CUBN: variants seen among roughly 807,000 people sequenced by gnomAD.
CUBN encodes the protein 460 kDa receptor.
A neutral mutation model predicts 405.3 loss-of-function variants in CUBN; 282 were observed. The ratio of observed to expected loss-of-function variants is 0.70; its 90% CI spans 0.63 to 0.77. The LOEUF (loss-of-function observed/expected upper bound fraction) is 0.77, where lower values mean the gene tolerates loss of function less well. Ranked by LOEUF, CUBN falls within the 30% of genes least tolerant of loss-of-function variation. The pLI, the probability that CUBN is intolerant of heterozygous loss-of-function variation, is 0.00. For synonymous variants in CUBN, 1,684 were observed against 1,617.0 expected (o/e 1.04, Z -0.99); for missense variants, 4,514 against 4,475.2 (o/e 1.01, Z -0.25).
chr10:17,116,391 C>T (rs778205679), intron 6 of CUBN, among the ~76,000 whole-genome samples: 5 of 152,090 alleles, frequency 3.3e-5, no homozygotes, highest in African/African-American at 4.8e-5. Flanking sequence ...TAGAGGAGTC[C>T]CAGAAGCCTA....
chr10:17,081,275 A>G (rs1267038061), intron 17 of CUBN, among the ~76,000 whole-genome samples: 1 of 152,180 alleles, frequency 6.6e-6, no homozygotes, highest in Admixed American at 6.5e-5. Flanking sequence ...ACACAAAGAG[A>G]AGATCTAGGA....
chr10:16,830,601 A>G (rs531616891), intron 65 of CUBN, among the ~76,000 whole-genome samples: 2 of 152,312 alleles, frequency 1.3e-5, no homozygotes, highest in African/African-American at 4.8e-5. Flanking sequence ...ATATGCCAGA[A>G]TGTGTTCATA....
At chr10:16,918,115 T>TCTACTCC (rs1841934450) in intron 45 of CUBN, among the ~76,000 whole-genome samples, 2 of 152,170 alleles carry the variant, frequency 1.3e-5, no homozygotes, top group African/African-American at 4.8e-5. Flanking sequence ...TGTGAGACCG[T>TCTACTCC]ATTTCTGAGC....
chr10:16,844,559 T>C (rs1839455714), intron 60 of CUBN, among the ~76,000 whole-genome samples: 1 of 152,070 alleles, frequency 6.6e-6, no homozygotes, highest in African/African-American at 2.4e-5. Flanking sequence ...TGAAGGAAGG[T>C]AGGAGGCAGA....
At position 16,840,998 on chromosome 10, in the gene CUBN, C is replaced by A; in HGVS notation, c.9713G>T (p.Gly3238Val). ...GATAAAAGGAGCAGGTACTGTGGAA[C>A]CACAAAACGTTCCAGCCAAGTTCGC... is the stretch of plus-strand genomic sequence containing the variant. ...ENANLAGTFC[G>V]STVPAPFISS... Residue 3238 changes from glycine (G) to valine (V), a missense_variant, in exon 61 of 67, where the codon GGT (glycine) becomes GTT (valine). This residue lies in a region of CUBN where 1,186 missense variants were observed against 1,186.9 expected (regional missense o/e 1.00). Transcript: ENST00000377833. 1.2e-6 allele frequency: 2 copies of A among 1,614,122 alleles called. No individual in the cohort carries two copies. Among genetic ancestry groups the A allele is most frequent in the East Asian group, 2.2e-5 (1 of 44,862 alleles).
intron 47 of CUBN, among the ~76,000 whole-genome samples, chr10:16,914,658 C>CA (rs5783521): frequency 0.014 from 1,822 of 131,004 alleles, 39 homozygotes; most frequent in African/African-American, 0.047. Flanking sequence ...CCCATGTTCA[C>CA]AAAAAAAAAA....
Position 16,825,067 on chromosome 10 carries a change from G to T in CUBN, c.10780C>A (p.Pro3594Thr). The T allele has an allele frequency of 2.5e-6, 4 of 1,612,716 alleles. No individual in the cohort carries two copies. Among genetic ancestry groups the T allele is most frequent in the Non-Finnish European group, 3.4e-6 (4 of 1,179,054 alleles). The change falls in exon 67 of 67, where the codon CCC becomes ACC. Residue 3594 changes from proline (P) to threonine (T), a missense_variant. By Grantham distance (38) the Pro-to-Thr change is conservative. Coordinates refer to ENST00000377833, the MANE Select transcript of CUBN (RefSeq NM_001081.4). Reference protein sequence around the residue: ...PYCGGDTSIAPFVASSNQVFI... With the variant: ...PYCGGDTSIATFVASSNQVFI... ...ACCTGATTTGAGGAAGCCACGAAGG[G>T]AGCTATGCTGGTGTCCTAAAATTGA...
intron 27 of CUBN, among the ~76,000 whole-genome samples, chr10:17,031,453 A>G (rs1158145949): frequency 6.6e-6 from 1 of 152,192 alleles, no homozygotes; most frequent in Non-Finnish European, 1.5e-5. Context: ...CATAGACACT[A>G]AGGAACTTGC....
At position 16,900,866 on chromosome 10, in the gene CUBN, G is replaced by C; in HGVS notation, c.8185-16C>G. 1.9e-6 allele frequency: 3 copies of C among 1,561,702 alleles called. No homozygotes were observed. The highest frequency in any genetic ancestry group is 2.6e-6 in the Non-Finnish European group (3 of 1,136,656). On this transcript the variant is annotated splice_polypyrimidine_tract_variant and intron_variant, in intron 52 of 66. Coordinates refer to ENST00000377833, the MANE Select transcript of CUBN (RefSeq NM_001081.4). The stretch of plus-strand genomic sequence containing the variant: ...TAAATGTGAGCTGCAGGAGAAAAAA[G>C]AAAATGGTTGTCAGTGAGCTTTTAT...
chr10:16,890,452 T>A lies in CUBN; in HGVS notation c.8674A>T (p.Ile2892Phe), dbSNP rs1446587938. 1 of 1,614,130 alleles carries A rather than the reference T, an allele frequency of 6.2e-7. No homozygotes were observed. The highest frequency in any genetic ancestry group is 1.1e-5 in the South Asian group (1 of 91,078). ...GCAGTGAATGTGTTACTTGGTGTGA[T>A]AACGGGACCCGGAGCCACGTTCCCA... ...GCGNVAPGPV[I>F]TPSNTFTAVF... is the part of the protein sequence containing the mutation. Residue 2892 changes from isoleucine (I) to phenylalanine (F), a missense_variant, in exon 55 of 67, where the codon ATC becomes TTC. Transcript: ENST00000377833.
intron 54 of CUBN, among the ~76,000 whole-genome samples, chr10:16,895,062 G>A (rs758215980): frequency 1.3e-5 from 2 of 152,208 alleles, no homozygotes; most frequent in Non-Finnish European, 2.9e-5. Context: ...AGACAGGACT[G>A]TTACTTACAT....
At chr10:16,924,764 T>C (rs1232935138) in intron 43 of CUBN, among the ~76,000 whole-genome samples, 1 of 151,992 alleles carries the variant, frequency 6.6e-6, no homozygotes, top group African/African-American at 2.4e-5. Flanking sequence ...TACAAGCAAT[T>C]ACAGATATCA....
rs117711403 is a variant in CUBN, at chr10:16,915,812, T to C, written c.7210+9A>G. ...AACACCCAAAAGAGAGCAGATATAT[T>C]TTACTAACCAGAGGTATGATTGTCC... On this transcript the variant is annotated intron_variant, in intron 46 of 66. Coordinates refer to ENST00000377833, the MANE Select transcript of CUBN (RefSeq NM_001081.4). The C allele has an allele frequency of 1.4e-3, 2,176 of 1,607,012 alleles. 3 individuals carry two copies. Among genetic ancestry groups the C allele is most frequent in the Non-Finnish European group, 1.8e-3 (2,064 of 1,174,988 alleles).
Position 16,990,481 on chromosome 10 carries a change from G to A in CUBN, c.4203C>T (p.Ser1401=), listed in dbSNP as rs1424365562. 2 of 1,614,052 alleles carry A rather than the reference G, an allele frequency of 1.2e-6. No homozygotes were observed. The highest frequency in any genetic ancestry group is 2.7e-5 in the African/African-American group (2 of 74,924). ...CGGELSGATG[S]FSSPGFPNRY... The stretch of plus-strand genomic sequence containing the variant: ...TGTTGGGGAACCCGGGGCTGCTGAA[G>A]GAGCCTGTGGCCCCAGACAGCTCTC... Residue 1401 remains serine (S), a synonymous_variant, in exon 29 of 67, where the codon TCC becomes TCT. Coordinates refer to ENST00000377833, the MANE Select transcript of CUBN (RefSeq NM_001081.4).
chr10:16,949,821 A>T (rs1842882230), intron 34 of CUBN, among the ~76,000 whole-genome samples, 180 bp downstream of exon 34: 1 of 152,212 alleles, frequency 6.6e-6, no homozygotes, highest in African/African-American at 2.4e-5. Context: ...AAACAGGCTG[A>T]GTTCCCTGAA....
chr10:16,949,431 C>G (rs1200132470), intron 34 of CUBN, among the ~76,000 whole-genome samples: 1 of 101,770 alleles, frequency 9.8e-6, no homozygotes, highest in African/African-American at 5.7e-5. Context: ...GCTTAAATGG[C>G]CTGGTGTGTG....
intron 31 of CUBN, among the ~76,000 whole-genome samples, chr10:16,969,717 G>A (rs78858833): frequency 0.15 from 22,215 of 152,038 alleles, 2,009 homozygotes; most frequent in Middle Eastern, 0.24. Flanking sequence ...TTGTTTCCAT[G>A]ACACCAAGAG....
chr10:17,003,488 C>A (rs979683904), intron 28 of CUBN, among the ~76,000 whole-genome samples: 1 of 152,030 alleles, frequency 6.6e-6, no homozygotes, highest in Admixed American at 6.5e-5. Context: ...AGCAAGGACA[C>A]ACAATAATAA....
intron 28 of CUBN, among the ~76,000 whole-genome samples, chr10:17,015,863 G>C (rs1392269115): frequency 1.3e-5 from 2 of 152,172 alleles, no homozygotes; most frequent in Non-Finnish European, 2.9e-5. Context: ...TGATTGGCCT[G>C]CTCCATTTTT....
Sources: allele counts gnomAD v4.1 joint callset (sites outside exome capture counted in the v4.1 genomes callset), GRCh38; gene constraint gnomAD v4.1.1; regional missense constraint gnomAD v4.1.1; transcripts MANE v1.5; gene names NCBI Gene and HGNC (gene_info 2026-07-23, HGNC 2026-07-21).